Variants in OGG1 observed in about 807,000 individuals in gnomAD.
OGG1 encodes the protein 8-oxoguanine DNA glycosylase, also known as N-glycosylase/DNA lyase.
Under a neutral mutation model 42.3 loss-of-function variants are expected in OGG1, and 35 were observed. The ratio of observed to expected loss-of-function variants is 0.83; its 90% CI spans 0.63 to 1.10. The LOEUF (loss-of-function observed/expected upper bound fraction) is 1.10. Ranked by LOEUF, OGG1 falls within the 50% of genes least tolerant of loss-of-function variation. The probability of loss-of-function intolerance (pLI) is 0.00; values close to 1 mark genes in which losing one functional copy is unlikely to be tolerated. For missense variants in OGG1, 484 were observed against 446.7 expected (o/e 1.08, Z -0.75); for synonymous variants, 189 against 179.0 (o/e 1.06, Z -0.44).
intron 3 of OGG1, chr3:9,787,669 CAG>C: frequency 7.3e-7 from 1 of 1,366,618 alleles, no homozygotes; most frequent in Non-Finnish European, 9.6e-7. Context: ...TCACGGGTGA[CAG>C]GGAATTACCT....
At chr3:9,765,849 G>A (rs1157644866) in exon 8 of OGG1, 4 of 1,613,914 alleles carry the variant, frequency 2.5e-6, no homozygotes, top group South Asian at 1.1e-5. Flanking sequence ...CAGCTTCTGC[G>A]TCCTCTTATC....
intron 4 of OGG1, among the ~76,000 whole-genome samples, 159 bp from the exon 5 acceptor site, chr3:9,756,312 A>G (rs370732849): frequency 6.7e-6 from 1 of 149,912 alleles, no homozygotes; most frequent in East Asian, 1.9e-4. Flanking sequence ...AAAAACAAAC[A>G]AAAAAAAAGT....
chr3:9,750,940 C>T lies in OGG1; in HGVS notation c.138-5C>T, dbSNP rs1345722168. The T allele has an allele frequency of 1.2e-6, 2 of 1,613,768 alleles. No homozygotes were observed. Among genetic ancestry groups the T allele is most frequent in the South Asian group, 2.2e-5 (2 of 91,046 alleles). On this transcript the variant is annotated splice_region_variant and splice_polypyrimidine_tract_variant and intron_variant, in intron 1 of 6. Coordinates refer to ENST00000344629, the MANE Select transcript of OGG1 (RefSeq NM_002542.6). ...TGCCAGGGTTGTCATGTGCCTTGGG[C>T]TCAGGTGGAGGGAGCAAAGTCCTGC...
chr3:9,789,364 G>C, downstream of OGG1: 1 of 692,818 alleles, frequency 1.4e-6, no homozygotes, highest in South Asian at 2.0e-5. Flanking sequence ...TTTGGGCCTA[G>C]GTGTCTGGAG....
chr3:9,751,213 G>T (rs1479902058), intron 2 of OGG1, 21 bp downstream of exon 2: 1 of 1,612,272 alleles, frequency 6.2e-7, no homozygotes, highest in African/African-American at 1.3e-5. Flanking sequence ...GACCTGGGCT[G>T]GGGTTAGGGT....
downstream of OGG1, chr3:9,757,985 C>T: frequency 7.2e-7 from 1 of 1,395,628 alleles, no homozygotes; most frequent in Non-Finnish European, 9.5e-7. The surrounding 1 kb of genome is among the most constrained non-coding windows in gnomAD (Gnocchi z 4.5). Context: ...CCCTAAAGCC[C>T]CCCAAAAACC....
At position 9,757,157 on chromosome 3, in the gene OGG1, C is replaced by T; in HGVS notation, c.*7C>T. 1 of 1,614,018 alleles carries T rather than the reference C, an allele frequency of 6.2e-7. No homozygotes were observed. Among genetic ancestry groups the T allele is most frequent in the Non-Finnish European group, 8.5e-7 (1 of 1,179,944 alleles). ...CAAAGGGCCGGAAGGCTAGATGGGG[C>T]ACCCTGGACAAAGAAATTCCCCAAG... On this transcript the variant is annotated 3_prime_UTR_variant, in exon 7 of 7. Transcript: ENST00000344629. The surrounding 1 kb of genome is among the most constrained non-coding windows in gnomAD (Gnocchi z 4.5).
downstream of OGG1, chr3:9,760,144 T>A (rs1448359926): frequency 4.9e-6 from 1 of 204,764 alleles, no homozygotes; most frequent in Non-Finnish European, 1.0e-5. Context: ...CTTGGGAGGC[T>A]GAGGCAGAGA....
chr3:9,788,837 T>C (rs1482095127), downstream of OGG1, among the ~76,000 whole-genome samples: 4 of 150,178 alleles, frequency 2.7e-5, no homozygotes, highest in African/African-American at 9.8e-5. Context: ...GACTTTTATA[T>C]CTTTTTTTTT....
chr3:9,777,500 CT>C (rs2078380278), intron 2 of OGG1, among the ~76,000 whole-genome samples: 1 of 152,112 alleles, frequency 6.6e-6, no homozygotes, highest in Admixed American at 6.5e-5. Flanking sequence ...TCTGTGTCAT[CT>C]GCAGGCTGGA....
intron 1 of OGG1, chr3:9,750,717 AC>A: frequency 1.4e-6 from 1 of 692,902 alleles, no homozygotes; most frequent in Non-Finnish European, 2.4e-6. Context: ...TCCAGCCTCG[AC>A]CCCCCGGGCG....
intron 2 of OGG1, among the ~76,000 whole-genome samples, chr3:9,780,866 T>C (rs903113912): frequency 3.9e-5 from 6 of 152,284 alleles, no homozygotes; most frequent in Admixed American, 2.6e-4. Flanking sequence ...TGGCTGCACA[T>C]GGGGGTTCAC....
chr3:9,759,622 C>G, downstream of OGG1: 3 of 1,614,100 alleles, frequency 1.9e-6, no homozygotes, highest in Non-Finnish European at 2.5e-6. Flanking sequence ...CAGAAGCAGA[C>G]CTGAGGGCCC....
chr3:9,751,114 G>C lies in OGG1; in HGVS notation c.307G>C (p.Asp103His), dbSNP rs139632793. 2.5e-5 allele frequency: 41 copies of C among 1,614,064 alleles called. No individual in the cohort carries two copies. The African/African-American group carries it at 5.3e-4, about 21-fold the overall frequency. ...GGCCGTGCGCAAGTACTTCCAGCTA[G>C]ATGTTACCCTGGCTCAACTGTATCA... ...LEAVRKYFQLDVTLAQLYHHW... is the reference protein window; with the variant it reads ...LEAVRKYFQLHVTLAQLYHHW... The change falls in exon 2 of 7, where the codon GAT (aspartate) becomes CAT (histidine). Residue 103 changes from aspartate to histidine, a missense_variant. Transcript: ENST00000344629.
At chr3:9,788,870 C>G (rs573315356), downstream of OGG1, among the ~76,000 whole-genome samples, 258 of 149,764 alleles carry the variant, frequency 1.7e-3, 2 homozygotes, top group African/African-American at 6.1e-3. Context: ...GAGTCTTGCT[C>G]TGTTGCCCAG....
At chr3:9,773,225 T>G (rs2078323162) in intron 2 of OGG1, among the ~76,000 whole-genome samples, 1 of 137,072 alleles carries the variant, frequency 7.3e-6, no homozygotes, top group African/African-American at 3.0e-5. Flanking sequence ...CAAGACTACA[T>G]CTCAAAAAAA....
chr3:9,765,184 G>A (rs1227881733), intron 7 of OGG1, among the ~76,000 whole-genome samples: 3 of 150,648 alleles, frequency 2.0e-5, no homozygotes, highest in Non-Finnish European at 4.4e-5. Context: ...CCAAGATTGC[G>A]TCACTGCACT....
intron 3 of OGG1, among the ~76,000 whole-genome samples, chr3:9,786,594 C>T (rs1236882711): frequency 6.6e-6 from 1 of 152,176 alleles, no homozygotes; most frequent in Non-Finnish European, 1.5e-5. Flanking sequence ...ATCTGTAACA[C>T]AGCGTTAACC....
rs544695054 is a variant in OGG1 at position 9,787,517 on chromosome 3, A to T, written c.383-211A>T. The T allele has an allele frequency of 5.8e-6, 6 of 1,030,688 alleles. No individual in the cohort carries two copies. The East Asian group carries it at 1.3e-4, about 22-fold the overall frequency. 63.8% of individuals were successfully genotyped at this position (1,030,688 alleles called of 1,614,324 possible). ...TAAAACCTGTACTTCACACTCTAGT[A>T]AGGGAGACAGGTCCAAAAAGAACTA... is the stretch of plus-strand genomic sequence containing the variant. On this transcript the variant is annotated intron_variant, in intron 3 of 3. Transcript: ENST00000426518.
Sources: gnomAD v4.1 joint callset for allele counts (sites outside exome capture counted in the v4.1 genomes callset) on GRCh38, gnomAD v4.1.1 for gene constraint, Gnocchi (gnomAD v3.1) non-coding constraint, MANE v1.5 for transcripts, NCBI Gene and HGNC (gene_info 2026-07-23, HGNC 2026-07-21) for gene names.